ATIC: variants seen among roughly 807,000 people sequenced by gnomAD.
ATIC encodes 5-aminoimidazole-4-carboxamide ribonucleotide formyltransferase/IMP cyclohydrolase, also known as bifunctional purine biosynthesis protein ATIC.
Under a neutral mutation model 72.5 loss-of-function variants are expected in ATIC, and 64 were observed. That is an observed-to-expected ratio of 0.88 (90% CI 0.72 to 1.09). ATIC has a LOEUF of 1.09. Among genes scored for constraint, ATIC ranks in the 50% least tolerant of loss-of-function variants. The pLI is 0.00. For synonymous variants in ATIC, 281 were observed against 267.1 expected (o/e 1.05, Z -0.51); for missense variants, 787 against 732.4 (o/e 1.07, Z -0.86).
the ATIC span, among the ~76,000 whole-genome samples, chr2:215,366,918 G>GC: frequency 6.6e-6 from 1 of 152,170 alleles, no homozygotes; most frequent in Non-Finnish European, 1.5e-5. Flanking sequence ...TGTTTTTAGT[G>GC]TTTTTCATTT....
chr2:215,349,739 TAAAAC>T lies in ATIC; in HGVS notation c.*86_*90del, dbSNP rs1312294690. 1.2e-6 allele frequency: 2 copies of T among 1,603,432 alleles called. No homozygotes were observed. The highest frequency in any genetic ancestry group is 8.5e-7 in the Non-Finnish European group (1 of 1,170,726). On this transcript the variant is annotated 3_prime_UTR_variant, in exon 16 of 16. Coordinates refer to ENST00000236959, the MANE Select transcript of ATIC (RefSeq NM_004044.7). ...CTTTGAGGATAACTTTTTAAAAAAA[TAAAAC>T]AGTATCTCTTAATCACTGGATCCAT...
At chr2:215,350,323 CAG>C (rs1174690469), downstream of ATIC, among the ~76,000 whole-genome samples, 4 of 152,118 alleles carry the variant, frequency 2.6e-5, no homozygotes, top group Non-Finnish European at 4.4e-5. Context: ...TTAGTAGAGA[CAG>C]GGTTTCACCA....
the ATIC span, chr2:215,361,058 T>G: frequency 6.4e-6 from 1 of 156,916 alleles, no homozygotes. Flanking sequence ...AAGAGAAAGA[T>G]ATTTCTAGGC....
intron 7 of ATIC, among the ~76,000 whole-genome samples, chr2:215,331,253 C>T (rs1343073199): frequency 1.3e-5 from 2 of 151,988 alleles, no homozygotes; most frequent in Admixed American, 6.6e-5. Flanking sequence ...GTTTTTTTCA[C>T]TGATGTATCC....
At chr2:215,332,352 A>G (rs764883597) in intron 7 of ATIC, 30 bp from the exon 8 acceptor site, 6 of 1,613,764 alleles carry the variant, frequency 3.7e-6, no homozygotes, top group Non-Finnish European at 5.1e-6. Context: ...GATCCTGCTT[A>G]GTAATGTGCA....
Position 215,319,687 on chromosome 2 carries a change from A to C in ATIC, c.246A>C (p.Pro82=). The change falls in exon 4 of 16, where the codon CCA becomes CCC. Residue 82 remains proline, a synonymous_variant. Transcript: ENST00000236959. ...VHAGILARNI[P]EDNADMARLD... is the part of the protein sequence containing the mutation. ...TAGGAATCCTAGCTCGTAATATTCC[A>C]GAAGATAATGCTGACATGGCCAGAC... The C allele has an allele frequency of 1.2e-6, 2 of 1,612,178 alleles. No individual in the cohort carries two copies. Among genetic ancestry groups the C allele is most frequent in the South Asian group, 1.1e-5 (1 of 91,034 alleles).
chr2:215,363,381 A>G, the ATIC span: 1 of 83,422 alleles, frequency 1.2e-5, no homozygotes, highest in African/African-American at 3.1e-5. Context: ...TTAATGGGAG[A>G]GAGAGAGAGA....
the ATIC span, among the ~76,000 whole-genome samples, chr2:215,357,358 C>T: frequency 6.6e-6 from 1 of 152,200 alleles, no homozygotes; most frequent in African/African-American, 2.4e-5. Context: ...GTCCATCATT[C>T]TGGGCTGGCT....
intron 1 of ATIC, 59 bp downstream of exon 1, chr2:215,312,220 G>T: frequency 6.9e-7 from 1 of 1,459,808 alleles, no homozygotes. Flanking sequence ...CCACGCTCCC[G>T]CCTTGGCGGC....
At chr2:215,337,397 C>T (rs146692943) in intron 11 of ATIC, among the ~76,000 whole-genome samples, 4 of 152,200 alleles carry the variant, frequency 2.6e-5, no homozygotes, top group African/African-American at 9.6e-5. Flanking sequence ...AGCCACTTGA[C>T]AGTCTGTTGC....
chr2:215,361,925 C>T, the ATIC span: 4 of 1,598,290 alleles, frequency 2.5e-6, no homozygotes, highest in South Asian at 1.1e-5. Context: ...TAGAAAGAGA[C>T]TGTCTAGTAT....
intron 15 of ATIC, 80 bp downstream of exon 15, chr2:215,349,329 A>G (rs923704786): frequency 1.2e-6 from 2 of 1,602,708 alleles, no homozygotes; most frequent in African/African-American, 2.7e-5. Context: ...TTTGATTTTT[A>G]AAAGGTGTGG....
the ATIC span, chr2:215,364,798 C>T: frequency 2.2e-6 from 2 of 910,854 alleles, no homozygotes; most frequent in Non-Finnish European, 3.5e-6. Flanking sequence ...CTCTGCCCCT[C>T]CTGTGTGTAC....
At chr2:215,351,990 G>A (rs892879665), downstream of ATIC, among the ~76,000 whole-genome samples, 16 of 152,058 alleles carry the variant, frequency 1.1e-4, no homozygotes, top group Non-Finnish European at 1.6e-4. Flanking sequence ...TAACCTAGCC[G>A]AAGGACTTTA....
chr2:215,346,979 A>G (rs2053078723), intron 14 of ATIC, 38 bp downstream of exon 14: 3 of 1,603,168 alleles, frequency 1.9e-6, no homozygotes, highest in African/African-American at 1.3e-5. Flanking sequence ...CTGTGTTAAT[A>G]TTCAGTTCAA....
the ATIC span, among the ~76,000 whole-genome samples, chr2:215,367,084 TG>T: frequency 4.6e-5 from 7 of 152,214 alleles, no homozygotes; most frequent in Non-Finnish European, 8.8e-5. Flanking sequence ...ATATGATTTC[TG>T]TATGTCTATA....
the ATIC span, among the ~76,000 whole-genome samples, chr2:215,358,645 C>T: frequency 6.6e-6 from 1 of 152,190 alleles, no homozygotes; most frequent in East Asian, 1.9e-4. Flanking sequence ...AAAGTTTCAT[C>T]ATTCTTGCAT....
chr2:215,340,593 CCTT>C (rs1411254361), intron 12 of ATIC, among the ~76,000 whole-genome samples: 1 of 152,124 alleles, frequency 6.6e-6, no homozygotes, highest in Admixed American at 6.6e-5. Context: ...GTTGACTTGT[CCTT>C]CTTTTGGGCA....
intron 2 of ATIC, among the ~76,000 whole-genome samples, chr2:215,313,846 G>T (rs1387561216): frequency 6.6e-6 from 1 of 152,172 alleles, no homozygotes; most frequent in African/African-American, 2.4e-5. Flanking sequence ...AAACCTGTGA[G>T]AATCGTGGCA....
Sources: gnomAD v4.1 joint callset for allele counts (sites outside exome capture counted in the v4.1 genomes callset) on GRCh38, gnomAD v4.1.1 for gene constraint, MANE v1.5 for transcripts, NCBI Gene and HGNC (gene_info 2026-07-23, HGNC 2026-07-21) for gene names.